TRIM14: variants seen among roughly 807,000 people sequenced by gnomAD.
TRIM14 encodes tripartite motif containing 14.
TRIM14 carries 28 observed loss-of-function variants against 44.5 expected under a neutral mutation model. The ratio of observed to expected loss-of-function variants is 0.63; its 90% CI spans 0.47 to 0.86. TRIM14 has a LOEUF of 0.86. Among genes scored for constraint, TRIM14 ranks in the 40% least tolerant of loss-of-function variants. The pLI is 0.00. For missense variants in TRIM14, 607 were observed against 611.1 expected, an observed-to-expected ratio of 0.99 and a Z score of 0.07; for synonymous variants, 299 against 269.2, an observed-to-expected ratio of 1.11 and a Z score of -1.08.
downstream of TRIM14, among the ~76,000 whole-genome samples, chr9:98,083,913 C>G (rs1271723645): frequency 6.6e-6 from 1 of 152,150 alleles, no homozygotes; most frequent in Non-Finnish European, 1.5e-5. Flanking sequence ...GGTTTGTTTA[C>G]ACGTAAGTGA....
downstream of TRIM14, among the ~76,000 whole-genome samples, chr9:98,064,699 T>TGTTC (rs1829084082): frequency 6.6e-6 from 1 of 152,166 alleles, no homozygotes; most frequent in African/African-American, 2.4e-5. Context: ...ATCACACAGT[T>TGTTC]AGGAAATGGG....
At chr9:98,043,725 C>CA in the TRIM14 span, among the ~76,000 whole-genome samples, 667 of 130,160 alleles carry the variant, frequency 5.1e-3, 4 homozygotes, top group South Asian at 0.017. Context: ...CACTGGCTTG[C>CA]AAAAAAAAAA....
downstream of TRIM14, among the ~76,000 whole-genome samples, chr9:98,082,656 T>C (rs919516854): frequency 6.6e-6 from 1 of 152,208 alleles, no homozygotes; most frequent in Admixed American, 6.5e-5. Context: ...CCTCTGAGTC[T>C]CTGAATTCAA....
the TRIM14 span, among the ~76,000 whole-genome samples, chr9:98,047,874 G>A: frequency 6.6e-6 from 1 of 152,076 alleles, no homozygotes; most frequent in South Asian, 2.1e-4. Context: ...AGACCAGCCT[G>A]GCCAATGTGG....
chr9:98,073,590 C>CTT (rs34969073), intron 6 of TRIM14, among the ~76,000 whole-genome samples: 81 of 141,698 alleles, frequency 5.7e-4, no homozygotes, highest in African/African-American at 1.7e-3. Flanking sequence ...GCCTGGGCTT[C>CTT]TTTTTTTTTT....
chr9:98,052,278 C>G, the TRIM14 span, among the ~76,000 whole-genome samples: 1 of 151,594 alleles, frequency 6.6e-6, no homozygotes, highest in Non-Finnish European at 1.5e-5. Context: ...ATCTTAGGTT[C>G]TCTCATGTGG....
At chr9:98,051,068 C>G in the TRIM14 span, among the ~76,000 whole-genome samples, 1 of 152,126 alleles carries the variant, frequency 6.6e-6, no homozygotes, top group Non-Finnish European at 1.5e-5. Flanking sequence ...ACCACCACAC[C>G]CGGCATGGTT....
the TRIM14 span, among the ~76,000 whole-genome samples, chr9:98,046,680 C>A: frequency 2.6e-5 from 4 of 152,112 alleles, no homozygotes; most frequent in Non-Finnish European, 5.9e-5. Context: ...ACCTTGTGAT[C>A]CACCCGCCTT....
At chr9:98,092,408 T>G in intron 4 of TRIM14, 2 of 295,242 alleles carry the variant, frequency 6.8e-6, no homozygotes, top group Non-Finnish European at 1.4e-5. Flanking sequence ...GCACTTGCTG[T>G]GCCCTCTGCC....
chr9:98,057,022 C>T, the TRIM14 span: 1 of 1,442,556 alleles, frequency 6.9e-7, no homozygotes, highest in African/African-American at 1.5e-5. Context: ...GCCACACGGC[C>T]TCCGCGGCTG....
chr9:98,100,135 C>T lies in TRIM14; in HGVS notation c.333G>A (p.Leu111=), dbSNP rs1826336717. 1.9e-6 allele frequency: 3 copies of T among 1,614,176 alleles called. No individual in the cohort carries two copies. The highest frequency in any genetic ancestry group is 2.5e-6 in the Non-Finnish European group (3 of 1,180,046). ...ATCTGAGTTCAGTGAATTTCCCCTT[C>T]AGCCAGGTTTTACTTGACTCTGCAT... The part of the protein sequence containing the change: ...KANAESSKTW[L]KGKFTELRLL... Residue 111 remains leucine (L), a synonymous_variant, in exon 3 of 6, where the codon CTG becomes CTA. Transcript: ENST00000341469.
At chr9:98,088,883 G>A (rs1450053894) in intron 5 of TRIM14, among the ~76,000 whole-genome samples, 1 of 151,888 alleles carries the variant, frequency 6.6e-6, no homozygotes, top group Non-Finnish European at 1.5e-5. Flanking sequence ...ATTTCTCTTT[G>A]CATTACACCA....
intron 6 of TRIM14, chr9:98,076,885 G>A (rs771325573): frequency 5.2e-6 from 8 of 1,543,746 alleles, no homozygotes; most frequent in Middle Eastern, 1.7e-4. Context: ...TTTGGACAAT[G>A]GTGAAAAGGA....
chr9:98,109,390 A>G (rs1826755026), intron 2 of TRIM14, among the ~76,000 whole-genome samples: 1 of 152,242 alleles, frequency 6.6e-6, no homozygotes, highest in South Asian at 2.1e-4. Flanking sequence ...GTTACTTAGA[A>G]TAACATCAGC....
chr9:98,080,776 G>C (rs748469401), downstream of TRIM14: 10 of 1,539,446 alleles, frequency 6.5e-6, 1 homozygote, highest in Non-Finnish European at 7.0e-6. Flanking sequence ...GCATAAAGCA[G>C]CATGATATTT....
intron 1 of TRIM14, among the ~76,000 whole-genome samples, chr9:98,111,327 A>G (rs1826846450): frequency 1.3e-5 from 2 of 151,932 alleles, no homozygotes. Context: ...AATCCCAGCT[A>G]CTCAGGAGGC....
chr9:98,098,572 C>T (rs761739727), intron 3 of TRIM14, among the ~76,000 whole-genome samples: 4 of 151,804 alleles, frequency 2.6e-5, no homozygotes, highest in East Asian at 3.9e-4. Flanking sequence ...ATTAGCTGGG[C>T]GTGGTGGGGG....
intron 3 of TRIM14, among the ~76,000 whole-genome samples, chr9:98,096,283 C>T (rs1826183176): frequency 6.6e-6 from 1 of 152,106 alleles, no homozygotes. Context: ...TAGAGTCCAA[C>T]CTCATTTTGG....
the TRIM14 span, chr9:98,060,879 G>T: frequency 1.2e-6 from 2 of 1,614,180 alleles, no homozygotes; most frequent in South Asian, 2.2e-5. Context: ...AAGCATTCCT[G>T]GGGGAAGACG....
Sources: allele counts gnomAD v4.1 joint callset (sites outside exome capture counted in the v4.1 genomes callset), GRCh38; gene constraint gnomAD v4.1.1; transcripts MANE v1.5; gene names NCBI Gene and HGNC (gene_info 2026-07-23, HGNC 2026-07-21).